SLC29A3: variants seen among roughly 807,000 people sequenced by gnomAD.
SLC29A3 encodes the protein solute carrier family 29 member 3, also known as equilibrative nucleoside transporter 3.
SLC29A3 carries 18 observed loss-of-function variants against 25.4 expected under a neutral mutation model. The observed-to-expected ratio is 0.71, with a 90% CI of 0.49 to 1.05. The LOEUF is 1.05. Among genes scored for constraint, SLC29A3 ranks in the 50% least tolerant of loss-of-function variants. The probability of loss-of-function intolerance (pLI) is 0.00; values close to 1 mark genes in which losing one functional copy is unlikely to be tolerated. For synonymous variants in SLC29A3, 258 were observed against 267.1 expected (o/e 0.97, Z 0.33); for missense variants, 586 against 609.0 (o/e 0.96, Z 0.40).
At chr10:71,356,536 C>T (rs927238247) in intron 5 of SLC29A3, among the ~76,000 whole-genome samples, 2 of 152,180 alleles carry the variant, frequency 1.3e-5, no homozygotes, top group African/African-American at 4.8e-5. Flanking sequence ...ATACAATGCT[C>T]ACACCTCTAT....
intron 2 of SLC29A3, among the ~76,000 whole-genome samples, chr10:71,338,684 G>C (rs1846315955): frequency 6.6e-6 from 1 of 152,154 alleles, no homozygotes; most frequent in African/African-American, 2.4e-5. Flanking sequence ...TTGAACCCAG[G>C]AGGCGGAGGT....
At chr10:71,323,308 A>G (rs543272382) in intron 2 of SLC29A3, among the ~76,000 whole-genome samples, 2 of 152,370 alleles carry the variant, frequency 1.3e-5, no homozygotes, top group South Asian at 4.1e-4. Context: ...GAAAATTCCA[A>G]AAGACTAGTA....
At chr10:71,367,000 G>A (rs571373750), downstream of SLC29A3, among the ~76,000 whole-genome samples, 7 of 152,328 alleles carry the variant, frequency 4.6e-5, no homozygotes, top group East Asian at 1.4e-3. Flanking sequence ...CAGGATCCTA[G>A]AAAGAATTTC....
At chr10:71,328,193 C>T (rs540155069) in intron 2 of SLC29A3, among the ~76,000 whole-genome samples, 1 of 152,290 alleles carries the variant, frequency 6.6e-6, no homozygotes, top group South Asian at 2.1e-4. Flanking sequence ...TTAGTGTCAG[C>T]AGGGCTGGGA....
At chr10:71,355,804 T>C (rs1846888724) in intron 4 of SLC29A3, among the ~76,000 whole-genome samples, 1 of 152,122 alleles carries the variant, frequency 6.6e-6, no homozygotes, top group Admixed American at 6.5e-5. Context: ...AGAGGACTGG[T>C]GGTCCCCTGA....
chr10:71,325,372 A>G (rs984637646), intron 2 of SLC29A3, among the ~76,000 whole-genome samples: 1 of 152,200 alleles, frequency 6.6e-6, no homozygotes, highest in Non-Finnish European at 1.5e-5. Flanking sequence ...TTCCACGCAC[A>G]TGTGTGAGAT....
At chr10:71,334,440 G>A (rs12252139) in intron 2 of SLC29A3, among the ~76,000 whole-genome samples, 41,046 of 152,092 alleles carry the variant, frequency 0.27, 5,852 homozygotes, top group Non-Finnish European at 0.31. Flanking sequence ...ATCTATTATA[G>A]TGGTACCTAC....
exon 5 of SLC29A3, chr10:71,381,355 A>G (rs1184425125): frequency 6.6e-6 from 1 of 152,238 alleles, no homozygotes; most frequent in East Asian, 1.9e-4. Flanking sequence ...ACTCTAAAAA[A>G]GTTAAGTCTT....
chr10:71,374,812 C>T (rs1847238166), intron 3 of SLC29A3, among the ~76,000 whole-genome samples: 1 of 152,230 alleles, frequency 6.6e-6, no homozygotes, highest in African/African-American at 2.4e-5. Flanking sequence ...CCAACATCCC[C>T]TTCCTATTCA....
rs80199581 is a variant in SLC29A3 at position 71,363,136 on chromosome 10, G to A, written c.*528G>A. 4.1e-5 allele frequency: 18 copies of A among 438,636 alleles called. No homozygotes were observed. Among genetic ancestry groups the A allele is most frequent in the Non-Finnish European group, 7.8e-5 (17 of 218,658 alleles). 27.2% of individuals were successfully genotyped at this position (438,636 alleles called of 1,614,324 possible). On this transcript the variant is annotated 3_prime_UTR_variant, in exon 6 of 6. Coordinates refer to ENST00000373189, the MANE Select transcript of SLC29A3 (RefSeq NM_018344.6). ...GCACAGACCCCTGTGTTCTGTGGGT[G>A]AACAACTGCCCACTAACCAGACTGG...
chr10:71,327,274 T>C (rs1440612409), intron 2 of SLC29A3, among the ~76,000 whole-genome samples: 1 of 152,158 alleles, frequency 6.6e-6, no homozygotes, highest in Non-Finnish European at 1.5e-5. Context: ...CCTGGACAAA[T>C]GTGGGGATGG....
In SLC29A3 at chr10:71,362,411, T is replaced by C. The variant is rs1453210335; in HGVS notation, c.1231T>C (p.Ser411Pro). 3.1e-6 allele frequency: 5 copies of C among 1,614,196 alleles called. No individual in the cohort carries two copies. Among genetic ancestry groups the C allele is most frequent in the Non-Finnish European group, 4.2e-6 (5 of 1,180,046 alleles). The change falls in exon 6 of 6, where the codon TCC becomes CCC. Residue 411 changes from serine to proline, a missense_variant. Physicochemically the swap from Ser to Pro is moderately conservative, Grantham distance 74. Transcript: ENST00000373189. ...RVHLKTVVFQ[S>P]DVYPALLSSL... is the part of the protein sequence containing the mutation. Reference sequence around the variant, plus strand: ...CCACCTGAAGACTGTGGTCTTCCAGTCCGATGTGTACCCCGCACTCCTCAG... The same window carrying C: ...CCACCTGAAGACTGTGGTCTTCCAGCCCGATGTGTACCCCGCACTCCTCAG...
At position 71,322,831 on chromosome 10, in the gene SLC29A3, C is replaced by G; in HGVS notation, c.77C>G (p.Ala26Gly). The G allele has an allele frequency of 4.3e-6, 7 of 1,614,234 alleles. No individual in the cohort carries two copies. Among genetic ancestry groups the G allele is most frequent in the Non-Finnish European group, 5.1e-6 (6 of 1,180,046 alleles). The change falls in exon 2 of 6, where the codon GCT becomes GGT. Residue 26 changes from alanine to glycine, a missense_variant. Transcript: ENST00000373189. ...AGAACCACAAGCAGCAGTCTCCGAGCTGACCAGGAGGCACTGCTTGAGAAG... is the reference window on the plus strand; with the variant it reads ...AGAACCACAAGCAGCAGTCTCCGAGGTGACCAGGAGGCACTGCTTGAGAAG... ...TYRTTSSSLRADQEALLEKLL... is the reference protein window; with the variant it reads ...TYRTTSSSLRGDQEALLEKLL...
At position 71,362,926 on chromosome 10, in the gene SLC29A3, C is replaced by T. The variant is rs527551448; in HGVS notation, c.*318C>T. 229 of 542,056 alleles carry T rather than the reference C, an allele frequency of 4.2e-4. 1 individual carries two copies. The highest frequency in any genetic ancestry group is 3.2e-3 in the South Asian group (210 of 65,262). 33.6% of individuals were successfully genotyped at this position (542,056 alleles called of 1,614,324 possible). A position where few individuals can be genotyped will look rare whatever the true frequency, so the allele number is the denominator to read the frequency against. On this transcript the variant is annotated 3_prime_UTR_variant, in exon 6 of 6. Coordinates refer to ENST00000373189, the MANE Select transcript of SLC29A3 (RefSeq NM_018344.6). ...GCCCTTCAAAGATGCTGCCAGTGTT[C>T]GCCCTAGAGTTATTACAAAGCCAGT...
rs903797398 is a variant in SLC29A3, at chr10:71,334,498, C to T, written c.301-9711C>T. ...CACTGACCACTGCCTGGCCTATTAT[C>T]TATTTGTTTATGCATTTGCTAGCCA... On this transcript the variant is annotated intron_variant, in intron 2 of 5. Transcript: ENST00000373189. Among the ~76,000 whole-genome samples, 5 of 152,182 alleles carry T rather than the reference C, an allele frequency of 3.3e-5. No homozygotes were observed. The South Asian group carries it at 1.0e-3, about 32-fold the overall frequency.
At chr10:71,360,526 G>A (rs1355129901) in intron 5 of SLC29A3, among the ~76,000 whole-genome samples, 1 of 152,224 alleles carries the variant, frequency 6.6e-6, no homozygotes, top group Non-Finnish European at 1.5e-5. Flanking sequence ...CTAAACAGGT[G>A]CCTCTGGTAG....
chr10:71,373,475 G>A (rs1037466331), intron 3 of SLC29A3, among the ~76,000 whole-genome samples: 1 of 152,180 alleles, frequency 6.6e-6, no homozygotes, highest in Non-Finnish European at 1.5e-5. Context: ...TGAAATAGGG[G>A]AGTCAGGACA....
intron 5 of SLC29A3, among the ~76,000 whole-genome samples, chr10:71,360,285 A>G (rs1847022581): frequency 6.6e-6 from 1 of 151,956 alleles, no homozygotes; most frequent in South Asian, 2.1e-4. Context: ...CTGGGACTAC[A>G]GTTGCACACC....
At chr10:71,334,885 T>A (rs1028047189) in intron 2 of SLC29A3, among the ~76,000 whole-genome samples, 1 of 152,164 alleles carries the variant, frequency 6.6e-6, no homozygotes, top group African/African-American at 2.4e-5. Flanking sequence ...ATTATTTGTA[T>A]TTTAGTTTTA....
Sources: allele counts gnomAD v4.1 joint callset (sites outside exome capture counted in the v4.1 genomes callset), GRCh38; gene constraint gnomAD v4.1.1; transcripts MANE v1.5; gene names NCBI Gene and HGNC (gene_info 2026-07-23, HGNC 2026-07-21).